The following IQCJ variants were observed in gnomAD, a reference collection of about 807,000 sequenced individuals.
The protein encoded by IQCJ is IQ domain-containing protein J.
A neutral mutation model predicts 11.0 loss-of-function variants in IQCJ; 9 were observed. The observed-to-expected ratio is 0.82, with a 90% CI of 0.49 to 1.43. The LOEUF (loss-of-function observed/expected upper bound fraction) is 1.43, where lower values mean the gene tolerates loss of function less well. Among genes scored for constraint, IQCJ ranks in the 40% most tolerant of loss-of-function variants. IQCJ has a pLI of 0.00. For missense variants in IQCJ, 146 were observed against 133.2 expected (o/e 1.10, Z -0.47); for synonymous variants, 55 against 51.3 (o/e 1.07, Z -0.31).
chr3:159,117,065 C>T (rs74578043), intron 1 of IQCJ, among the ~76,000 whole-genome samples: 112 of 152,262 alleles, frequency 7.4e-4, no homozygotes, highest in African/African-American at 2.5e-3. Context: ...ACTACTCTTC[C>T]GTAAAACATT....
At chr3:159,255,221 G>A (rs1727830184) in intron 3 of IQCJ, among the ~76,000 whole-genome samples, 1 of 152,160 alleles carries the variant, frequency 6.6e-6, no homozygotes, top group South Asian at 2.1e-4. Context: ...GGAGGGAAGT[G>A]AGGGTCAGTC....
At chr3:159,120,458 C>T (rs1344140704) in intron 1 of IQCJ, among the ~76,000 whole-genome samples, 5 of 152,296 alleles carry the variant, frequency 3.3e-5, no homozygotes, top group Middle Eastern at 6.8e-3. Flanking sequence ...GGGTTTTATG[C>T]ATCAAACCTG....
chr3:159,130,985 CT>C (rs1231968940), intron 1 of IQCJ, among the ~76,000 whole-genome samples: 21 of 152,130 alleles, frequency 1.4e-4, no homozygotes, highest in Non-Finnish European at 1.9e-4. Context: ...AAAACTTTAT[CT>C]TTCCTACCTC....
chr3:159,244,921 G>A (rs945289770), intron 1 of IQCJ, among the ~76,000 whole-genome samples: 2 of 152,142 alleles, frequency 1.3e-5, no homozygotes, highest in African/African-American at 4.8e-5. Flanking sequence ...AAATGGTATG[G>A]TAGATAGTGT....
intron 1 of IQCJ, among the ~76,000 whole-genome samples, chr3:159,084,849 G>C (rs537153238): frequency 2.6e-5 from 4 of 152,074 alleles, no homozygotes; most frequent in Admixed American, 2.0e-4. Flanking sequence ...ATTTACTCTA[G>C]TCCTGTCTTT....
intron 1 of IQCJ, among the ~76,000 whole-genome samples, chr3:159,085,252 A>AT (rs1349984880): frequency 1.3e-5 from 2 of 151,236 alleles, no homozygotes; most frequent in East Asian, 2.0e-4. Context: ...TGAACTCATC[A>AT]TTTTTTATGG....
chr3:159,249,902 T>TACACACACACACACACACACACAC (rs10567080), intron 2 of IQCJ, among the ~76,000 whole-genome samples: 13 of 150,634 alleles, frequency 8.6e-5, no homozygotes, highest in South Asian at 6.3e-4. Context: ...TGCATTTGTG[T>TACACACACACACACACACACACAC]ACACACACAC....
At chr3:159,138,384 C>G (rs999224656) in intron 1 of IQCJ, among the ~76,000 whole-genome samples, 1 of 152,182 alleles carries the variant, frequency 6.6e-6, no homozygotes, top group Non-Finnish European at 1.5e-5. Flanking sequence ...TCCTCCTTTT[C>G]ATAGCTAAAA....
intron 1 of IQCJ, among the ~76,000 whole-genome samples, chr3:159,083,913 G>A (rs1347410650): frequency 1.3e-5 from 2 of 152,110 alleles, no homozygotes; most frequent in Non-Finnish European, 2.9e-5. Flanking sequence ...GAAAAGAAGA[G>A]GGAAGGAGGC....
intron 1 of IQCJ, among the ~76,000 whole-genome samples, chr3:159,242,270 C>T (rs1726968879): frequency 6.6e-6 from 1 of 152,064 alleles, no homozygotes; most frequent in South Asian, 2.1e-4. Context: ...TGGAAAACCA[C>T]TGAATTATGA....
At chr3:159,105,823 G>T (rs890280424) in intron 1 of IQCJ, among the ~76,000 whole-genome samples, 1 of 152,148 alleles carries the variant, frequency 6.6e-6, no homozygotes, top group Non-Finnish European at 1.5e-5. Flanking sequence ...TACATCACAC[G>T]CAGCCGTATA....
chr3:159,219,318 A>C (rs550664517), intron 1 of IQCJ, among the ~76,000 whole-genome samples: 15 of 152,178 alleles, frequency 9.9e-5, no homozygotes, highest in African/African-American at 3.1e-4. Flanking sequence ...TTAAAAAAAA[A>C]CTGCTCTTTA....
rs139778202 is a variant in IQCJ, at chr3:159,108,730, C to T, written c.9+39289C>T. On this transcript the variant is annotated intron_variant, in intron 1 of 3. Coordinates refer to ENST00000397832, the MANE Select transcript of IQCJ (RefSeq NM_001042706.3). ...CCAAGACTGGGCACAGCAGTAAATT[C>T]CCATCATCTTGATACTTTCATATGC... 3.9e-3 allele frequency among the ~76,000 whole-genome samples: 588 copies of T among 152,260 alleles called. 6 individuals are homozygous for T. The highest frequency in any genetic ancestry group is 0.012 in the African/African-American group (518 of 41,560).
At chr3:159,137,255 C>G (rs1720343089) in intron 1 of IQCJ, among the ~76,000 whole-genome samples, 1 of 146,622 alleles carries the variant, frequency 6.8e-6, no homozygotes, top group African/African-American at 2.6e-5. Flanking sequence ...GAGTGAGACT[C>G]CATCTTGGAA....
chr3:159,113,770 C>G (rs1409044429), intron 1 of IQCJ, among the ~76,000 whole-genome samples: 1 of 152,152 alleles, frequency 6.6e-6, no homozygotes, highest in Non-Finnish European at 1.5e-5. Context: ...ACTGCTTACT[C>G]CATGATCTCT....
intron 1 of IQCJ, among the ~76,000 whole-genome samples, chr3:159,236,146 T>C (rs1383020815): frequency 1.3e-5 from 2 of 152,122 alleles, no homozygotes; most frequent in African/African-American, 4.8e-5. Context: ...TATTTGCCAT[T>C]TTTTTCCTCC....
chr3:159,072,884 A>G (rs565926865), intron 1 of IQCJ, among the ~76,000 whole-genome samples: 10 of 152,228 alleles, frequency 6.6e-5, no homozygotes, highest in African/African-American at 1.9e-4. Flanking sequence ...CAAAAAAATC[A>G]CAGTTAGCTT....
intron 1 of IQCJ, among the ~76,000 whole-genome samples, chr3:159,221,784 C>T (rs1725562238): frequency 6.6e-6 from 1 of 151,080 alleles, no homozygotes; most frequent in Non-Finnish European, 1.5e-5. Flanking sequence ...CTAGAGTCAG[C>T]CTTTCTGCCA....
At chr3:159,122,889 C>A (rs1279571764) in intron 1 of IQCJ, among the ~76,000 whole-genome samples, 1 of 152,038 alleles carries the variant, frequency 6.6e-6, no homozygotes, top group Non-Finnish European at 1.5e-5. Context: ...GAGTTTAAAT[C>A]TTGAGAGGGG....
Sources: allele counts gnomAD v4.1 joint callset (sites outside exome capture counted in the v4.1 genomes callset), GRCh38; gene constraint gnomAD v4.1.1; transcripts MANE v1.5; gene names NCBI Gene and HGNC (gene_info 2026-07-23, HGNC 2026-07-21).